The following GOLGA4 variants were observed in gnomAD, a reference collection of about 807,000 sequenced individuals.
GOLGA4 encodes golgin subfamily A member 4.
A neutral mutation model predicts 265.9 loss-of-function variants in GOLGA4; 169 were observed. The ratio of observed to expected loss-of-function variants is 0.64; its 90% confidence interval spans 0.56 to 0.72. GOLGA4 has a LOEUF of 0.72. Among genes scored for constraint, GOLGA4 ranks in the 30% least tolerant of loss-of-function variants. The pLI, the probability that GOLGA4 is intolerant of heterozygous loss-of-function variation, is 0.00. For missense variants in GOLGA4, 2,482 were observed against 2,483.4 expected, an observed-to-expected ratio of 1.00 and a Z score of 0.01; for synonymous variants, 923 against 855.8, an observed-to-expected ratio of 1.08 and a Z score of -1.37.
intron 2 of GOLGA4, among the ~76,000 whole-genome samples, chr3:37,271,704 TC>T (rs2096799191): frequency 6.6e-6 from 1 of 152,210 alleles, no homozygotes; most frequent in Non-Finnish European, 1.5e-5. Context: ...GAAGTTCTGT[TC>T]CATCAGTAAA....
chr3:37,315,370 T>C, intron 10 of GOLGA4, 50 bp from the exon 11 acceptor site: 1 of 1,485,040 alleles, frequency 6.7e-7, no homozygotes. Flanking sequence ...ACACTTTAGC[T>C]CAATGATAAT....
chr3:37,309,336 A>G (rs893674523), intron 10 of GOLGA4, among the ~76,000 whole-genome samples: 3 of 151,814 alleles, frequency 2.0e-5, no homozygotes, highest in Admixed American at 6.6e-5. Flanking sequence ...CGGGCGGATT[A>G]CCTGAGGTCA....
In GOLGA4 at chr3:37,324,399, T is replaced by G. The variant is rs1308868166; in HGVS notation, c.2513T>G (p.Leu838Arg). Reference sequence around the variant, plus strand: ...GATTTGGAAACAGAAAGAATTCTTCTTACCAAACAGGTTGCTGAAGTTGAA... The same window carrying G: ...GATTTGGAAACAGAAAGAATTCTTCGTACCAAACAGGTTGCTGAAGTTGAA... ...LLDLETERIL[L>R]TKQVAEVEAQ... The change falls in exon 14 of 24, where the codon CTT becomes CGT. Residue 838 changes from leucine to arginine, a missense_variant. Transcript: ENST00000361924. The G allele has an allele frequency of 6.2e-7, 1 of 1,614,162 alleles. No individual in the cohort carries two copies. Among genetic ancestry groups the G allele is most frequent in the Admixed American group, 1.7e-5 (1 of 60,024 alleles).
At chr3:37,335,006 CTTCTTTTTTTTCTTTTCCTTTTT>C in intron 16 of GOLGA4, 24 bp from the exon 17 acceptor site, 1 of 1,154,022 alleles carries the variant, frequency 8.7e-7, no homozygotes, top group Non-Finnish European at 1.2e-6. Context: ...TTTACTAATG[CTTCTTTTTTTTCTTTTCCTTTTT>C]TTCTTTTTTT....
At chr3:37,281,670 T>G (rs1050477148) in intron 2 of GOLGA4, among the ~76,000 whole-genome samples, 10 of 152,136 alleles carry the variant, frequency 6.6e-5, no homozygotes, top group Non-Finnish European at 1.5e-4. Flanking sequence ...AAGTACTGTG[T>G]TTTTCTTTCT....
intron 20 of GOLGA4, among the ~76,000 whole-genome samples, chr3:37,346,004 A>G (rs73053212): frequency 0.014 from 2,067 of 152,238 alleles, 18 homozygotes; most frequent in Middle Eastern, 0.024. Flanking sequence ...CTGAAAAGTG[A>G]AAAAGAGGTG....
intron 2 of GOLGA4, among the ~76,000 whole-genome samples, chr3:37,266,606 A>G (rs917839499): frequency 6.6e-6 from 1 of 152,288 alleles, no homozygotes; most frequent in East Asian, 1.9e-4. Context: ...CAAGTTGTTC[A>G]TAGATTGGAT....
intron 5 of GOLGA4, among the ~76,000 whole-genome samples, chr3:37,293,468 G>T (rs2096870205): frequency 6.6e-6 from 1 of 152,090 alleles, no homozygotes; most frequent in Admixed American, 6.6e-5. Context: ...TAAAAGATAG[G>T]ATCTAAACAT....
chr3:37,306,501 C>CTGTGTGTGTGTG (rs35641880), intron 10 of GOLGA4, among the ~76,000 whole-genome samples: 60 of 140,214 alleles, frequency 4.3e-4, no homozygotes, highest in African/African-American at 1.3e-3. Context: ...TGGCTGTTCT[C>CTGTGTGTGTGTG]TGTGTGTGTG....
rs760468470 is a variant in GOLGA4, at chr3:37,325,389, A to G, written c.3503A>G (p.Lys1168Arg). Residue 1168 changes from lysine (K) to arginine (R), a missense_variant, in exon 14 of 24, where the codon AAG becomes AGG. Physicochemically the swap from Lys to Arg is conservative, Grantham distance 26. Transcript: ENST00000361924. ...VELKMLAEED[K>R]RKVSELTSKL... ...CTGAAGATGCTGGCAGAAGAAGATA[A>G]GCGGAAGGTTTCTGAGTTGACTAGC... The G allele has an allele frequency of 6.2e-6, 10 of 1,612,604 alleles. No homozygotes were observed. In the East Asian group the frequency reaches 2.0e-4, roughly 32 times the overall value.
intron 15 of GOLGA4, 57 bp from the exon 16 acceptor site, chr3:37,328,906 C>G (rs1273440855): frequency 7.4e-7 from 1 of 1,357,532 alleles, no homozygotes; most frequent in Non-Finnish European, 9.9e-7. Flanking sequence ...AATTGAGATA[C>G]AAATATTAAC....
At chr3:37,248,965 G>A (rs2150584524) in intron 1 of GOLGA4, among the ~76,000 whole-genome samples, 1 of 152,316 alleles carries the variant, frequency 6.6e-6, no homozygotes, top group South Asian at 2.1e-4. Context: ...GAGTTGATTA[G>A]TCAAGAGGTA....
At position 37,257,944 on chromosome 3, in the gene GOLGA4, TA is replaced by T; in HGVS notation, c.162+6461del. 2.1e-4 allele frequency among the ~76,000 whole-genome samples: 25 copies of T among 117,154 alleles called. 5 individuals carry two copies. The highest frequency in any genetic ancestry group is 1.1e-3 in the Admixed American group (12 of 10,818). 76.9% of individuals were successfully genotyped at this position (117,154 alleles called of 152,430 possible). A position where few individuals can be genotyped will look rare whatever the true frequency, so the allele number is the denominator to read the frequency against. ...GTATATATGTATATATACATACATA[TA>T]TATGTATGTATATATGTATATATAC... On this transcript the variant is annotated intron_variant, in intron 2 of 23. Transcript: ENST00000361924.
chr3:37,275,803 C>T (rs1578453184), intron 2 of GOLGA4: 2 of 1,613,604 alleles, frequency 1.2e-6, no homozygotes, highest in East Asian at 2.2e-5. Context: ...TTCCTATGAC[C>T]CTGGAATTAC....
At chr3:37,364,508 C>T (rs1331390229) in intron 23 of GOLGA4, among the ~76,000 whole-genome samples, 1 of 151,894 alleles carries the variant, frequency 6.6e-6, no homozygotes, top group Non-Finnish European at 1.5e-5. Flanking sequence ...TCCCATAGTG[C>T]TGGGATTACA....
At chr3:37,296,509 A>G (rs1050367533) in intron 7 of GOLGA4, among the ~76,000 whole-genome samples, 33 of 152,198 alleles carry the variant, frequency 2.2e-4, no homozygotes, top group Admixed American at 8.5e-4. Flanking sequence ...TTTCAGAAAG[A>G]TGCAAGGGTT....
In GOLGA4 at chr3:37,263,176, G is replaced by C. The variant is rs1327075340; in HGVS notation, c.162+11692G>C. ...TTACCATTGTATTACAGCCACCTAC[G>C]ATGTTCAGTACAGTAACAGGATGGA... On this transcript the variant is annotated intron_variant, in intron 2 of 23. Coordinates refer to ENST00000361924, the MANE Select transcript of GOLGA4 (RefSeq NM_002078.5). Among the ~76,000 whole-genome samples the C allele has an allele frequency of 2.6e-5, 4 of 152,262 alleles. No homozygotes were observed. In the East Asian group the frequency reaches 7.7e-4, roughly 29 times the overall value.
intron 3 of GOLGA4, 136 bp downstream of exon 3, chr3:37,282,408 G>T (rs1258337711): frequency 3.0e-6 from 2 of 662,410 alleles, no homozygotes; most frequent in African/African-American, 1.8e-5. Flanking sequence ...ATGGTATGTA[G>T]TCTGTGGCAT....
chr3:37,321,599 G>A, intron 12 of GOLGA4, 132 bp from the exon 13 acceptor site: 2 of 741,966 alleles, frequency 2.7e-6, no homozygotes, highest in East Asian at 2.6e-5. Context: ...CATGGGAGGA[G>A]AGAGATGATG....
Sources: gnomAD v4.1 joint callset for allele counts (sites outside exome capture counted in the v4.1 genomes callset) on GRCh38, gnomAD v4.1.1 for gene constraint, MANE v1.5 for transcripts, NCBI Gene and HGNC (gene_info 2026-07-23, HGNC 2026-07-21) for gene names.